Variants in DLC1 observed in about 807,000 individuals in gnomAD.
The protein encoded by DLC1 is DLC1 Rho GTPase activating protein.
In DLC1, 54 loss-of-function variants were observed where a neutral mutation model predicts 140.3. The observed-to-expected ratio is 0.38, with a 90% CI of 0.31 to 0.48. The LOEUF (loss-of-function observed/expected upper bound fraction) is 0.48. Ranked by LOEUF, DLC1 falls within the 20% of genes least tolerant of loss-of-function variation. The pLI is 0.96. For synonymous variants in DLC1, 986 were observed against 728.1 expected (o/e 1.35, Z -5.70); for missense variants, 2,536 against 1,907.0 (o/e 1.33, Z -6.14).
intron 1 of DLC1, among the ~76,000 whole-genome samples, chr8:13,578,028 T>C (rs62493197): frequency 0.075 from 11,398 of 152,012 alleles, 659 homozygotes; most frequent in Admixed American, 0.18. Flanking sequence ...AAAAGTGTAA[T>C]TCCTACTCTC....
chr8:13,098,508 T>A lies in DLC1; in HGVS notation c.3058A>T (p.Ile1020Phe), dbSNP rs146001186. Residue 1020 changes from isoleucine (I) to phenylalanine (F), a missense_variant, in exon 10 of 18, where the codon ATT (isoleucine) becomes TTT (phenylalanine). Coordinates refer to ENST00000276297, the MANE Select transcript of DLC1 (RefSeq NM_182643.3). ...RPSLNSVSLQ[I>F]NCQSVAQMNL... Reference sequence around the variant, plus strand: ...ATCTGGGCCACAGACTGGCAGTTAATCTGTAGTGATACAGAGTTGAGGCTT... The same window carrying A: ...ATCTGGGCCACAGACTGGCAGTTAAACTGTAGTGATACAGAGTTGAGGCTT... 6.2e-6 allele frequency: 10 copies of A among 1,614,076 alleles called. No homozygotes were observed. Among genetic ancestry groups the A allele is most frequent in the Non-Finnish European group, 8.5e-6 (10 of 1,180,018 alleles).
intron 1 of DLC1, among the ~76,000 whole-genome samples, chr8:13,511,525 C>G (rs2117253595): frequency 6.6e-6 from 1 of 152,258 alleles, no homozygotes; most frequent in African/African-American, 2.4e-5. Context: ...CAAAACAGAA[C>G]CATAGAAGTA....
intron 1 of DLC1, among the ~76,000 whole-genome samples, chr8:13,508,670 G>A (rs983095459): frequency 9.9e-5 from 15 of 151,898 alleles, no homozygotes; most frequent in African/African-American, 9.7e-5. Flanking sequence ...TGCCCACCTC[G>A]GCCTCCCAAA....
chr8:13,206,058 G>C (rs142973576), intron 5 of DLC1, among the ~76,000 whole-genome samples: 27 of 152,272 alleles, frequency 1.8e-4, no homozygotes, highest in African/African-American at 6.5e-4. Flanking sequence ...TGTTAGCTAA[G>C]GATAGAGCAA....
rs368503131 is a variant in DLC1 at position 13,239,620 on chromosome 8, T to C, written c.1348+65649A>G. The stretch of plus-strand genomic sequence containing the variant: ...TGCTCTAAGCAACCAACGAAAAAAT[T>C]AACCAGCTCAGATATACACATATGC... On this transcript the variant is annotated intron_variant, in intron 5 of 17. Transcript: ENST00000276297. Among the ~76,000 whole-genome samples the C allele has an allele frequency of 2.6e-5, 4 of 152,124 alleles. No homozygotes were observed. The East Asian group carries it at 7.7e-4, about 29-fold the overall frequency.
chr8:13,185,498 A>G (rs199769387), intron 5 of DLC1, among the ~76,000 whole-genome samples: 1 of 151,810 alleles, frequency 6.6e-6, no homozygotes, highest in African/African-American at 2.4e-5. Context: ...TAGTAGAGAC[A>G]GGATTTCACT....
intron 5 of DLC1, among the ~76,000 whole-genome samples, chr8:13,184,891 A>C (rs1826257438): frequency 6.6e-6 from 1 of 152,184 alleles, no homozygotes; most frequent in Non-Finnish European, 1.5e-5. Context: ...TAATATTGAC[A>C]GAGGGGTGTT....
chr8:13,135,381 C>T (rs1822486816), intron 5 of DLC1, among the ~76,000 whole-genome samples: 1 of 152,014 alleles, frequency 6.6e-6, no homozygotes, highest in Admixed American at 6.6e-5. Context: ...CAGGGTTTCA[C>T]TGTGTTAGCC....
chr8:13,143,829 AG>A (rs1375384515), intron 5 of DLC1, among the ~76,000 whole-genome samples: 1 of 150,716 alleles, frequency 6.6e-6, no homozygotes, highest in African/African-American at 2.5e-5. Context: ...AGAGAGAGAG[AG>A]AGAGAGAGAG....
At chr8:13,573,717 G>A (rs770215519) in intron 1 of DLC1, among the ~76,000 whole-genome samples, 1 of 152,036 alleles carries the variant, frequency 6.6e-6, no homozygotes, top group Non-Finnish European at 1.5e-5. Flanking sequence ...TTGTAGTTTG[G>A]CATATGCTTA....
chr8:13,188,791 GT>G (rs1826538937), intron 5 of DLC1, among the ~76,000 whole-genome samples: 1 of 84,178 alleles, frequency 1.2e-5, no homozygotes, highest in Admixed American at 1.1e-4. Context: ...GTGTGTGTGT[GT>G]GTGTGTGTGT....
At chr8:13,427,868 T>C (rs905710238) in intron 2 of DLC1, among the ~76,000 whole-genome samples, 4 of 152,226 alleles carry the variant, frequency 2.6e-5, no homozygotes, top group Admixed American at 2.6e-4. Flanking sequence ...GCAGGAATGA[T>C]GTCTTCTTCT....
intron 4 of DLC1, among the ~76,000 whole-genome samples, chr8:13,366,561 T>C (rs1364714286): frequency 6.6e-6 from 1 of 152,200 alleles, no homozygotes; most frequent in Non-Finnish European, 1.5e-5. Flanking sequence ...CCCAGAGGTC[T>C]TGACTTATAC....
At chr8:13,209,706 C>T (rs991902524) in intron 5 of DLC1, among the ~76,000 whole-genome samples, 6 of 151,890 alleles carry the variant, frequency 4.0e-5, no homozygotes, top group South Asian at 2.1e-4. Context: ...GAGATCTGGC[C>T]GATTACAGGT....
At chr8:13,518,102 T>TTTTTTTG (rs1554536835), upstream of DLC1, among the ~76,000 whole-genome samples, 5 of 149,370 alleles carry the variant, frequency 3.3e-5, no homozygotes, top group Admixed American at 2.0e-4. Context: ...CACCTTTCTT[T>TTTTTTTG]TTTTTGTTTT....
At chr8:13,556,374 G>A (rs1804045900) in intron 1 of DLC1, among the ~76,000 whole-genome samples, 1 of 152,148 alleles carries the variant, frequency 6.6e-6, no homozygotes, top group African/African-American at 2.4e-5. Flanking sequence ...AAATATTGAT[G>A]TCTGCGTCTG....
intron 2 of DLC1, among the ~76,000 whole-genome samples, chr8:13,464,512 G>A (rs1456556232): frequency 6.6e-6 from 1 of 151,766 alleles, no homozygotes; most frequent in Non-Finnish European, 1.5e-5. Context: ...TAATACATCA[G>A]TTGATACACG....
intron 4 of DLC1, among the ~76,000 whole-genome samples, chr8:13,382,019 G>A (rs1367283617): frequency 6.6e-6 from 1 of 152,182 alleles, no homozygotes; most frequent in Non-Finnish European, 1.5e-5. Context: ...GGCTTTCAGT[G>A]AAAGGTTAAA....
At chr8:13,252,772 A>T (rs975550499) in intron 5 of DLC1, among the ~76,000 whole-genome samples, 2 of 152,196 alleles carry the variant, frequency 1.3e-5, no homozygotes, top group Admixed American at 6.5e-5. Flanking sequence ...TGCTCCAAAG[A>T]ACTGTTCCAT....
Sources: gnomAD v4.1 joint callset for allele counts (sites outside exome capture counted in the v4.1 genomes callset) on GRCh38, gnomAD v4.1.1 for gene constraint, MANE v1.5 for transcripts, NCBI Gene and HGNC (gene_info 2026-07-23, HGNC 2026-07-21) for gene names.